DEPTOR: variants seen among roughly 807,000 people sequenced by gnomAD.
DEPTOR encodes DEP domain-containing mTOR-interacting protein.
In DEPTOR, 41 loss-of-function variants were observed where a neutral mutation model predicts 41.6. The observed-to-expected ratio is 0.98, with a 90% CI of 0.77 to 1.28. The LOEUF is 1.28. DEPTOR is among the 50% of genes most tolerant of loss of function. The pLI is 0.00. For missense variants in DEPTOR, 514 were observed against 527.9 expected (o/e 0.97, Z 0.26); for synonymous variants, 195 against 192.3 (o/e 1.01, Z -0.12).
chr8:120,021,149 T>C (rs897449308), intron 8 of DEPTOR, among the ~76,000 whole-genome samples: 4 of 145,864 alleles, frequency 2.7e-5, no homozygotes, highest in Admixed American at 1.4e-4. Flanking sequence ...GCTCACATAA[T>C]CCTAGCACTT....
At chr8:120,044,889 G>A (rs188268528) in intron 8 of DEPTOR, among the ~76,000 whole-genome samples, 4 of 152,318 alleles carry the variant, frequency 2.6e-5, no homozygotes, top group Admixed American at 1.3e-4. Flanking sequence ...GCTTCGTGAA[G>A]GCAAAGATGC....
intron 1 of DEPTOR, among the ~76,000 whole-genome samples, chr8:119,881,440 C>T (rs1199053231): frequency 6.6e-6 from 1 of 151,764 alleles, no homozygotes; most frequent in Non-Finnish European, 1.5e-5. Context: ...AGGAGAATCG[C>T]TTGAACCAGG....
chr8:120,003,244 C>A, intron 6 of DEPTOR, 133 bp downstream of exon 6: 2 of 1,429,814 alleles, frequency 1.4e-6, no homozygotes, highest in Non-Finnish European at 9.4e-7. Context: ...GGGGTCCACA[C>A]GTGTTGAATG....
intron 3 of DEPTOR, among the ~76,000 whole-genome samples, chr8:119,938,047 G>T (rs1223907504): frequency 1.3e-5 from 2 of 152,168 alleles, no homozygotes; most frequent in East Asian, 1.9e-4. Flanking sequence ...TGAAAAGCTA[G>T]TCTGGAACAA....
chr8:119,928,206 A>T (rs551275333), intron 1 of DEPTOR, among the ~76,000 whole-genome samples, 194 bp from the exon 2 acceptor site: 42 of 152,210 alleles, frequency 2.8e-4, no homozygotes, highest in African/African-American at 1.0e-3. Context: ...TACCTCTGTC[A>T]TCTAGATCAG....
chr8:119,931,440 T>C (rs1173881811), intron 3 of DEPTOR, among the ~76,000 whole-genome samples: 3 of 152,004 alleles, frequency 2.0e-5, no homozygotes, highest in Non-Finnish European at 4.4e-5. Flanking sequence ...GTTGTGGGAG[T>C]TAAACGATAG....
Position 119,929,344 on chromosome 8 carries a change from G to A in DEPTOR, c.302-471G>A, listed in dbSNP as rs4871794. ...AGGGAAGCTTTCTTTTTCAAAAGCT[G>A]TGTCACTGTGTTCCTGGGGCACTGG... On this transcript the variant is annotated intron_variant, in intron 2 of 8. Transcript: ENST00000286234. 1.8e-4 allele frequency among the ~76,000 whole-genome samples: 27 copies of A among 152,122 alleles called. 1 individual carries two copies. Among genetic ancestry groups the A allele is most frequent in the African/African-American group, 4.8e-4 (20 of 41,418 alleles).
At chr8:119,956,362 A>G (rs1304058857) in intron 3 of DEPTOR, among the ~76,000 whole-genome samples, 1 of 152,208 alleles carries the variant, frequency 6.6e-6, no homozygotes, top group Non-Finnish European at 1.5e-5. Flanking sequence ...CATGTTGTAA[A>G]TGGCAAGTTG....
At chr8:119,939,380 A>G (rs1465935439) in intron 3 of DEPTOR, among the ~76,000 whole-genome samples, 1 of 152,196 alleles carries the variant, frequency 6.6e-6, no homozygotes. Context: ...ACAACTAGTC[A>G]GTGTCTACAT....
intron 1 of DEPTOR, among the ~76,000 whole-genome samples, chr8:119,917,060 G>A (rs1375179832): frequency 6.6e-6 from 1 of 152,182 alleles, no homozygotes; most frequent in Non-Finnish European, 1.5e-5. Flanking sequence ...GTGAGCCATG[G>A]TGTGGGGCCT....
chr8:119,998,941 A>C (rs1160384059), intron 4 of DEPTOR, among the ~76,000 whole-genome samples: 1 of 118,916 alleles, frequency 8.4e-6, no homozygotes, highest in Non-Finnish European at 1.8e-5. Flanking sequence ...CCTCATCAAA[A>C]ATAGGAAAAA....
chr8:119,888,481 T>C (rs992737832), intron 1 of DEPTOR, among the ~76,000 whole-genome samples: 3 of 152,200 alleles, frequency 2.0e-5, no homozygotes, highest in Non-Finnish European at 2.9e-5. Context: ...TCCTGTTGAA[T>C]TCTGGGCAGG....
intron 1 of DEPTOR, chr8:119,874,191 G>A (rs576396160): frequency 7.6e-6 from 5 of 654,690 alleles, no homozygotes; most frequent in South Asian, 6.6e-5. Context: ...AGAAGCCGAC[G>A]AGCGGGTGGT....
chr8:119,991,084 TTCTTTTTC>T (rs1229637446), intron 4 of DEPTOR, among the ~76,000 whole-genome samples: 29 of 75,688 alleles, frequency 3.8e-4, no homozygotes, highest in African/African-American at 1.3e-3. Flanking sequence ...CTTTCTTTCT[TTCTTTTTC>T]TTTCTTTCTT....
chr8:120,038,643 G>GAAGAA (rs1400032457), intron 8 of DEPTOR, among the ~76,000 whole-genome samples: 1 of 150,652 alleles, frequency 6.6e-6, no homozygotes, highest in African/African-American at 2.4e-5. Flanking sequence ...TAATAAATAA[G>GAAGAA]AAGAAAAGAA....
At chr8:119,960,766 C>G (rs1255486219) in intron 3 of DEPTOR, among the ~76,000 whole-genome samples, 1 of 152,054 alleles carries the variant, frequency 6.6e-6, no homozygotes, top group African/African-American at 2.4e-5. Flanking sequence ...GGCGGATCAC[C>G]TGAGGTCAGG....
intron 3 of DEPTOR, among the ~76,000 whole-genome samples, chr8:119,933,968 C>T (rs188395667): frequency 1.4e-4 from 21 of 152,162 alleles, no homozygotes; most frequent in Middle Eastern, 3.4e-3. Flanking sequence ...CAACCTTCAC[C>T]TCCTAGGTTC....
At chr8:119,950,479 G>A (rs766994460) in intron 3 of DEPTOR, among the ~76,000 whole-genome samples, 6 of 151,932 alleles carry the variant, frequency 3.9e-5, no homozygotes, top group Admixed American at 6.6e-5. Context: ...GCAGTGGTGC[G>A]ATCTCAGCTC....
At chr8:119,900,380 CTT>C (rs377443807) in intron 1 of DEPTOR, among the ~76,000 whole-genome samples, 505 of 43,892 alleles carry the variant, frequency 0.012, 11 homozygotes, top group African/African-American at 0.058. Context: ...CACCCCTCAC[CTT>C]TTTTTTTTTT....
Sources: allele counts gnomAD v4.1 joint callset (sites outside exome capture counted in the v4.1 genomes callset), GRCh38; gene constraint gnomAD v4.1.1; transcripts MANE v1.5; gene names NCBI Gene and HGNC (gene_info 2026-07-23, HGNC 2026-07-21).